The following SV2C variants were observed in gnomAD, a reference collection of about 807,000 sequenced individuals.
SV2C encodes synaptic vesicle glycoprotein 2C.
A neutral mutation model predicts 79.7 loss-of-function variants in SV2C; 49 were observed. That is an observed-to-expected ratio of 0.61 (90% CI 0.49 to 0.78). The LOEUF is 0.78. Ranked by LOEUF, SV2C falls within the 30% of genes least tolerant of loss-of-function variation. The pLI is 0.00. For missense variants in SV2C, 833 were observed against 912.9 expected, an observed-to-expected ratio of 0.91 and a Z score of 1.13; for synonymous variants, 334 against 333.2, an observed-to-expected ratio of 1.00 and a Z score of -0.03.
the SV2C span, among the ~76,000 whole-genome samples, chr5:76,037,897 C>G: frequency 6.6e-6 from 1 of 152,342 alleles, no homozygotes; most frequent in East Asian, 1.9e-4. Flanking sequence ...CAGTGAGACT[C>G]CGTGGGCATA....
the SV2C span, among the ~76,000 whole-genome samples, chr5:76,017,695 T>C: frequency 6.6e-6 from 1 of 152,212 alleles, no homozygotes; most frequent in Non-Finnish European, 1.5e-5. Flanking sequence ...TTACAGCCAC[T>C]TGTTTTTAGG....
At chr5:75,980,536 C>T in the SV2C span, among the ~76,000 whole-genome samples, 1 of 152,022 alleles carries the variant, frequency 6.6e-6, no homozygotes, top group Non-Finnish European at 1.5e-5. Flanking sequence ...AGGCTTCATC[C>T]CCGGGATACA....
At chr5:75,898,675 T>A in the SV2C span, among the ~76,000 whole-genome samples, 1 of 152,196 alleles carries the variant, frequency 6.6e-6, no homozygotes, top group African/African-American at 2.4e-5. Flanking sequence ...CTGGTAGAAT[T>A]TGGCTGTGAA....
At chr5:76,124,423 A>G (rs1025545915) in intron 1 of SV2C, among the ~76,000 whole-genome samples, 5 of 152,146 alleles carry the variant, frequency 3.3e-5, no homozygotes, top group Non-Finnish European at 1.5e-5. Flanking sequence ...ATTCACCCAT[A>G]TTATAGCATG....
intron 2 of SV2C, among the ~76,000 whole-genome samples, chr5:76,157,117 T>A (rs891245021): frequency 1.3e-5 from 2 of 152,036 alleles, no homozygotes; most frequent in African/African-American, 4.8e-5. Context: ...TCAGAGACAT[T>A]ATAGTAAAAA....
the SV2C span, among the ~76,000 whole-genome samples, chr5:75,901,164 C>G: frequency 6.6e-6 from 1 of 152,142 alleles, no homozygotes; most frequent in African/African-American, 2.4e-5. Flanking sequence ...AGTCGCTCTG[C>G]TTTTTAGAGT....
At chr5:76,293,620 C>T (rs1747634025) in intron 8 of SV2C, among the ~76,000 whole-genome samples, 1 of 152,074 alleles carries the variant, frequency 6.6e-6, no homozygotes, top group South Asian at 2.1e-4. Context: ...AAATGTTGTA[C>T]CCCTAAGTCA....
chr5:76,285,209 G>C lies in SV2C; in HGVS notation c.961G>C (p.Val321Leu), dbSNP rs776428022. The C allele has an allele frequency of 9.3e-6, 15 of 1,614,208 alleles. No individual in the cohort carries two copies. In the East Asian group the frequency reaches 2.7e-4, roughly 29 times the overall value. Reference protein sequence around the residue: ...GSAYQFHSWRVFVIVCALPCV... With the variant: ...GSAYQFHSWRLFVIVCALPCV... ...GGCCTACCAGTTTCACAGTTGGCGT[G>C]TGTTTGTCATCGTCTGTGCACTCCC... is the stretch of plus-strand genomic sequence containing the variant. The change falls in exon 5 of 13, where the codon GTG becomes CTG. Residue 321 changes from valine to leucine, a missense_variant. Physicochemically the swap from Val to Leu is conservative, Grantham distance 32. Transcript: ENST00000502798.
At chr5:76,007,175 T>C in the SV2C span, among the ~76,000 whole-genome samples, 1 of 152,006 alleles carries the variant, frequency 6.6e-6, no homozygotes, top group Non-Finnish European at 1.5e-5. Flanking sequence ...CTAGAATGTA[T>C]TGCTAAAACA....
intron 3 of SV2C, among the ~76,000 whole-genome samples, chr5:76,203,000 C>G (rs1744499881): frequency 6.6e-6 from 1 of 152,110 alleles, no homozygotes; most frequent in Admixed American, 6.6e-5. Flanking sequence ...ACATACGTGG[C>G]TCACATTTTC....
At chr5:76,050,276 A>G in the SV2C span, among the ~76,000 whole-genome samples, 2 of 152,196 alleles carry the variant, frequency 1.3e-5, no homozygotes, top group Admixed American at 6.5e-5. Flanking sequence ...CTTGGTTTCA[A>G]TGTAGGGTGA....
Position 76,325,730 on chromosome 5 carries a change from T to G in SV2C, c.*183T>G, listed in dbSNP as rs1318702886. On this transcript the variant is annotated 3_prime_UTR_variant, in exon 13 of 13. Coordinates refer to ENST00000502798, the MANE Select transcript of SV2C (RefSeq NM_014979.4). ...CCCCTTTGTGATTTTGCACAGGTTG[T>G]TTGTTTGTTTTGTTTTGTTTGAATG... is the stretch of plus-strand genomic sequence containing the variant. The G allele has an allele frequency of 1.3e-6, 1 of 791,756 alleles. No homozygotes were observed. The highest frequency in any genetic ancestry group is 1.9e-6 in the Non-Finnish European group (1 of 533,518). The allele number at this position is 791,756 out of a possible 1,614,324, so 49.0% of individuals were successfully genotyped here. A position where few individuals can be genotyped will look rare whatever the true frequency, so the allele number is the denominator to read the frequency against.
the SV2C span, among the ~76,000 whole-genome samples, chr5:76,054,715 G>A: frequency 6.6e-6 from 1 of 152,058 alleles, no homozygotes; most frequent in African/African-American, 2.4e-5. Context: ...ATCTCATTGT[G>A]GTTCTGATTT....
At chr5:76,042,976 G>A in the SV2C span, among the ~76,000 whole-genome samples, 24 of 152,330 alleles carry the variant, frequency 1.6e-4, no homozygotes, top group Admixed American at 1.5e-3. Flanking sequence ...TTGGCCAATA[G>A]AATAGTGGTT....
At chr5:75,867,445 G>A in the SV2C span, among the ~76,000 whole-genome samples, 2 of 152,162 alleles carry the variant, frequency 1.3e-5, no homozygotes, top group Non-Finnish European at 2.9e-5. Context: ...ACCACCCTGA[G>A]AGCGAAGGAG....
chr5:76,189,303 C>A (rs575848201), intron 2 of SV2C, among the ~76,000 whole-genome samples: 1 of 152,108 alleles, frequency 6.6e-6, no homozygotes, highest in East Asian at 1.9e-4. Flanking sequence ...GCTCCTGGAA[C>A]CCCAAAATTG....
the SV2C span, among the ~76,000 whole-genome samples, chr5:75,918,444 C>T: frequency 6.6e-6 from 1 of 152,262 alleles, no homozygotes; most frequent in East Asian, 1.9e-4. Flanking sequence ...CTTTTTAATT[C>T]AGCAAATGTT....
At chr5:75,924,204 C>G in the SV2C span, among the ~76,000 whole-genome samples, 1 of 151,894 alleles carries the variant, frequency 6.6e-6, no homozygotes, top group African/African-American at 2.4e-5. Flanking sequence ...GGGAGCTAAA[C>G]TATGAGGATA....
the SV2C span, among the ~76,000 whole-genome samples, chr5:75,906,929 A>G: frequency 3.5e-4 from 53 of 152,316 alleles, no homozygotes; most frequent in Admixed American, 1.5e-3. Context: ...CCTAGAATGT[A>G]CAAGACAGCT....
Sources: allele counts gnomAD v4.1 joint callset (sites outside exome capture counted in the v4.1 genomes callset), GRCh38; gene constraint gnomAD v4.1.1; transcripts MANE v1.5; gene names NCBI Gene and HGNC (gene_info 2026-07-23, HGNC 2026-07-21).